Variants in LRP1B observed in about 807,000 individuals in gnomAD.
The protein encoded by LRP1B is low-density lipoprotein receptor-related protein 1B.
In LRP1B, 217 loss-of-function variants were observed where a neutral mutation model predicts 556.6. The ratio of observed to expected loss-of-function variants is 0.39; its 90% CI spans 0.35 to 0.44. The LOEUF (loss-of-function observed/expected upper bound fraction) is 0.44, where lower values mean the gene tolerates loss of function less well. LRP1B is among the 20% of genes least tolerant of loss of function. The probability of loss-of-function intolerance (pLI) is 1.00; values close to 1 mark genes in which losing one functional copy is unlikely to be tolerated. For missense variants in LRP1B, 5,053 were observed against 5,620.8 expected, an observed-to-expected ratio of 0.90 and a Z score of 3.23; for synonymous variants, 2,047 against 1,865.8, an observed-to-expected ratio of 1.10 and a Z score of -2.50.
chr2:141,356,363 C>T (rs1457299084), intron 3 of LRP1B, among the ~76,000 whole-genome samples: 6 of 152,126 alleles, frequency 3.9e-5, no homozygotes, highest in Admixed American at 2.0e-4. Context: ...TTGGAATTTT[C>T]GGGCTGTATA....
intron 7 of LRP1B, among the ~76,000 whole-genome samples, chr2:141,105,589 A>G (rs948686791): frequency 6.6e-6 from 1 of 152,186 alleles, no homozygotes; most frequent in African/African-American, 2.4e-5. Flanking sequence ...AAGAAAATGC[A>G]GAGTATCTTG....
intron 15 of LRP1B, among the ~76,000 whole-genome samples, chr2:140,994,418 T>TGTGG (rs1245904675): frequency 6.6e-6 from 1 of 151,718 alleles, no homozygotes; most frequent in Non-Finnish European, 1.5e-5. Context: ...TGTGTGTGTG[T>TGTGG]GTATCACAAT....
chr2:140,449,286 A>T (rs962747927), intron 63 of LRP1B, among the ~76,000 whole-genome samples: 17 of 152,108 alleles, frequency 1.1e-4, no homozygotes, highest in African/African-American at 4.1e-4. Flanking sequence ...TATCATAGAA[A>T]ATTTACTTTA....
At chr2:141,870,430 T>G (rs895419677) in intron 1 of LRP1B, among the ~76,000 whole-genome samples, 4 of 151,960 alleles carry the variant, frequency 2.6e-5, no homozygotes, top group African/African-American at 9.7e-5. Context: ...TCATCATTAC[T>G]AGGAAGGAGC....
chr2:140,982,106 G>A (rs926714694), intron 18 of LRP1B, 54 bp downstream of exon 18: 2 of 1,360,718 alleles, frequency 1.5e-6, no homozygotes, highest in East Asian at 2.3e-5. Context: ...TGTAGTGGTA[G>A]GGTATCCTAT....
At position 140,370,967 on chromosome 2, in the gene LRP1B, T is replaced by A. The variant is rs909801052; in HGVS notation, c.10876-125A>T. On this transcript the variant is annotated intron_variant, in intron 70 of 90. Transcript: ENST00000389484. ...CCATGGGCTTTCTTTCATTTTGTCT[T>A]AATGAATATAACTTCTACAAATGAG... The A allele has an allele frequency of 2.6e-5, 28 of 1,061,872 alleles. No individual in the cohort carries two copies. In the East Asian group the frequency reaches 5.6e-4, roughly 21 times the overall value. The allele number at this position is 1,061,872 out of a possible 1,614,324, so 65.8% of individuals were successfully genotyped here.
chr2:141,700,657 A>G (rs1436063193), intron 2 of LRP1B, among the ~76,000 whole-genome samples: 2 of 151,736 alleles, frequency 1.3e-5, no homozygotes, highest in African/African-American at 2.4e-5. Flanking sequence ...TAGAAACTAG[A>G]ATCCCTCTTC....
intron 5 of LRP1B, among the ~76,000 whole-genome samples, chr2:141,230,682 G>A (rs1683427067): frequency 6.6e-6 from 1 of 152,068 alleles, no homozygotes. Flanking sequence ...ACTGTTCCTT[G>A]AACAAGCCAG....
intron 7 of LRP1B, among the ~76,000 whole-genome samples, chr2:141,144,819 G>A (rs1410522550): frequency 6.6e-6 from 1 of 152,090 alleles, no homozygotes; most frequent in Non-Finnish European, 1.5e-5. Context: ...CCTTTTAACT[G>A]GTCAGTAATG....
At chr2:140,752,194 A>C (rs1042660350) in intron 35 of LRP1B, among the ~76,000 whole-genome samples, 3 of 152,116 alleles carry the variant, frequency 2.0e-5, no homozygotes, top group Non-Finnish European at 4.4e-5. Flanking sequence ...ACGCACCTGT[A>C]TCCCAGCTAC....
intron 60 of LRP1B, among the ~76,000 whole-genome samples, chr2:140,470,626 A>G: frequency 7.3e-6 from 1 of 136,922 alleles, no homozygotes; most frequent in Non-Finnish European, 1.6e-5. Flanking sequence ...GCCTGGGTGA[A>G]AGAGGGAGAC....
chr2:141,314,830 GTATATATATA>G (rs1429208067), intron 3 of LRP1B, among the ~76,000 whole-genome samples: 1 of 124,300 alleles, frequency 8.0e-6, no homozygotes, highest in Non-Finnish European at 1.6e-5. Context: ...ATATATATGT[GTATATATATA>G]TATACACATA....
At chr2:141,867,101 T>G (rs1698436479) in intron 1 of LRP1B, among the ~76,000 whole-genome samples, 1 of 152,126 alleles carries the variant, frequency 6.6e-6, no homozygotes, top group Admixed American at 6.5e-5. Flanking sequence ...AAATGAAAGA[T>G]TCTTAAAGGA....
rs542845060 is a variant in LRP1B at position 141,477,538 on chromosome 2, C to T, written c.343+2858G>A. On this transcript the variant is annotated intron_variant, in intron 3 of 90. Transcript: ENST00000389484. ...ATGTACCTTTGCTTATAGGCAGTCA[C>T]CTTTTCACATTTAAACACAAACTAT... Among the ~76,000 whole-genome samples the T allele has an allele frequency of 2.6e-5, 4 of 152,248 alleles. No individual in the cohort carries two copies. The South Asian group carries it at 8.3e-4, about 32-fold the overall frequency.
intron 1 of LRP1B, among the ~76,000 whole-genome samples, chr2:142,081,489 C>T (rs978923740): frequency 1.3e-5 from 2 of 152,024 alleles, no homozygotes; most frequent in African/African-American, 4.8e-5. Context: ...CACTGTGAGA[C>T]AGCAACCAGA....
intron 66 of LRP1B, among the ~76,000 whole-genome samples, chr2:140,395,290 A>T (rs1317956709): frequency 6.6e-6 from 1 of 152,220 alleles, no homozygotes; most frequent in Non-Finnish European, 1.5e-5. Context: ...TCACAAACCC[A>T]TGCTTCCACA....
In LRP1B at chr2:140,880,137, ACT is replaced by A. The variant is rs1559171940; in HGVS notation, c.4169+3678_4169+3679del. ...TTATGGCAGTTAAAAATTTAGTTTA[ACT>A]AAATTCAGTTTTAGTTAAAAGCTGA... On this transcript the variant is annotated intron_variant, in intron 25 of 90. Coordinates refer to ENST00000389484, the MANE Select transcript of LRP1B (RefSeq NM_018557.3). 9.9e-5 allele frequency among the ~76,000 whole-genome samples: 15 copies of A among 152,244 alleles called. 1 individual carries two copies. The highest frequency in any genetic ancestry group is 5.9e-4 in the Admixed American group (9 of 15,256).
At chr2:140,958,740 T>C (rs1202669858) in intron 18 of LRP1B, among the ~76,000 whole-genome samples, 1 of 151,622 alleles carries the variant, frequency 6.6e-6, no homozygotes, top group African/African-American at 2.4e-5. Context: ...AACATCAGGA[T>C]CTCAAGAACA....
At chr2:141,929,918 A>C (rs1700443884) in intron 1 of LRP1B, among the ~76,000 whole-genome samples, 1 of 79,988 alleles carries the variant, frequency 1.3e-5, no homozygotes, top group Non-Finnish European at 2.6e-5. Flanking sequence ...GAAACAAAAA[A>C]AAAAAAAAAA....
Sources: gnomAD v4.1 joint callset for allele counts (sites outside exome capture counted in the v4.1 genomes callset) on GRCh38, gnomAD v4.1.1 for gene constraint, MANE v1.5 for transcripts, NCBI Gene and HGNC (gene_info 2026-07-23, HGNC 2026-07-21) for gene names.